RBFOX1: variants seen among roughly 807,000 people sequenced by gnomAD.
RBFOX1 encodes the protein RNA binding protein fox-1 homolog 1.
Under a neutral mutation model 57.7 loss-of-function variants are expected in RBFOX1, and 8 were observed. That is an observed-to-expected ratio of 0.14 (90% CI 0.08 to 0.25). The LOEUF is 0.25. Ranked by LOEUF, RBFOX1 falls within the 10% of genes least tolerant of loss-of-function variation. RBFOX1 has a pLI of 1.00. For missense variants in RBFOX1, 611 were observed against 548.5 expected, an observed-to-expected ratio of 1.11 and a Z score of -1.14; for synonymous variants, 326 against 222.4, an observed-to-expected ratio of 1.47 and a Z score of -4.15.
chr16:6,605,702 A>C (rs1038673176), intron 2 of RBFOX1, among the ~76,000 whole-genome samples: 3 of 152,236 alleles, frequency 2.0e-5, no homozygotes, highest in Non-Finnish European at 4.4e-5. Context: ...GGCAGGGCCT[A>C]GATGCTGTGT....
At chr16:6,729,874 G>C (rs961373519) in intron 3 of RBFOX1, among the ~76,000 whole-genome samples, 1 of 152,146 alleles carries the variant, frequency 6.6e-6, no homozygotes, top group Non-Finnish European at 1.5e-5. Context: ...AAGCTGCTTA[G>C]AAACGAGAAT....
intron 4 of RBFOX1, among the ~76,000 whole-genome samples, chr16:7,297,071 G>C (rs1248855523): frequency 6.6e-6 from 1 of 152,178 alleles, no homozygotes; most frequent in African/African-American, 2.4e-5. Flanking sequence ...TAGCCAGTGA[G>C]ACGACAGGAG....
At chr16:5,338,484 G>T (rs969198103) in intron 1 of RBFOX1, among the ~76,000 whole-genome samples, 2 of 152,208 alleles carry the variant, frequency 1.3e-5, no homozygotes, top group Admixed American at 6.5e-5. Context: ...AACTAGGGCC[G>T]TCTGAAGACC....
intron 4 of RBFOX1, among the ~76,000 whole-genome samples, chr16:7,089,592 G>C (rs1242310680): frequency 1.3e-5 from 2 of 152,126 alleles, no homozygotes; most frequent in Non-Finnish European, 2.9e-5. Flanking sequence ...TCTCTGAGTT[G>C]TTAAGTAGTG....
chr16:6,895,406 T>C (rs2066519390), intron 3 of RBFOX1, among the ~76,000 whole-genome samples: 2 of 141,056 alleles, frequency 1.4e-5, no homozygotes, highest in Admixed American at 7.4e-5. Context: ...AGCCACTAGT[T>C]GTTAGTAATA....
chr16:6,744,171 A>C (rs1470897919), intron 3 of RBFOX1, among the ~76,000 whole-genome samples: 1 of 151,994 alleles, frequency 6.6e-6, no homozygotes, highest in Non-Finnish European at 1.5e-5. Context: ...AAGGTGACTT[A>C]ATCAAGAAGA....
chr16:5,640,603 C>T (rs1037853325), intron 3 of RBFOX1, among the ~76,000 whole-genome samples: 2 of 152,010 alleles, frequency 1.3e-5, no homozygotes, highest in Non-Finnish European at 2.9e-5. Context: ...CATGGATACA[C>T]ACATGCGCAT....
chr16:7,510,228 C>G (rs1000345130), intron 4 of RBFOX1: 5 of 985,738 alleles, frequency 5.1e-6, no homozygotes, highest in Non-Finnish European at 6.0e-6. Context: ...GTAATTGAGG[C>G]GTGCTTGGGG....
At chr16:5,846,647 A>G (rs1242522953) in intron 3 of RBFOX1, among the ~76,000 whole-genome samples, 1 of 152,106 alleles carries the variant, frequency 6.6e-6, no homozygotes, top group Non-Finnish European at 1.5e-5. Flanking sequence ...GCTTCTCTCC[A>G]CCACACTCAG....
chr16:7,634,781 A>G (rs1477212708), intron 11 of RBFOX1, among the ~76,000 whole-genome samples: 1 of 152,170 alleles, frequency 6.6e-6, no homozygotes, highest in Non-Finnish European at 1.5e-5. Context: ...ACAGGTCATC[A>G]TGCATCCTCT....
At chr16:7,324,044 C>G (rs2096579570) in intron 4 of RBFOX1, among the ~76,000 whole-genome samples, 2 of 151,984 alleles carry the variant, frequency 1.3e-5, no homozygotes, top group Non-Finnish European at 1.5e-5. Flanking sequence ...GTTTTGTTTT[C>G]TTCTTTACAG....
chr16:7,613,281 A>C (rs1290732558), intron 10 of RBFOX1, among the ~76,000 whole-genome samples: 1 of 152,208 alleles, frequency 6.6e-6, no homozygotes, highest in East Asian at 1.9e-4. Flanking sequence ...ACAGGAACTA[A>C]AAATGCGCCA....
At chr16:5,799,157 T>C (rs1432754804) in intron 3 of RBFOX1, among the ~76,000 whole-genome samples, 1 of 152,028 alleles carries the variant, frequency 6.6e-6, no homozygotes, top group South Asian at 2.1e-4. Context: ...AGACAAGAGA[T>C]AATGAAATCC....
At chr16:5,927,148 T>C (rs1462258242) in intron 4 of RBFOX1, among the ~76,000 whole-genome samples, 1 of 152,252 alleles carries the variant, frequency 6.6e-6, no homozygotes, top group African/African-American at 2.4e-5. Context: ...AATTGGAAAC[T>C]ATGATTATTT....
chr16:7,707,465 G>C (rs974689525), intron 14 of RBFOX1, among the ~76,000 whole-genome samples: 2 of 152,176 alleles, frequency 1.3e-5, no homozygotes, highest in African/African-American at 4.8e-5. Context: ...CGAGCTGAAG[G>C]TTGATAATAC....
intron 3 of RBFOX1, among the ~76,000 whole-genome samples, chr16:6,943,356 T>G (rs543295078): frequency 6.8e-4 from 103 of 152,324 alleles, no homozygotes; most frequent in African/African-American, 2.4e-3. Flanking sequence ...TTTGAGTTCT[T>G]GTGGATGAGC....
At chr16:6,076,360 A>ACC (rs2095901347) in intron 1 of RBFOX1, among the ~76,000 whole-genome samples, 1 of 151,040 alleles carries the variant, frequency 6.6e-6, no homozygotes, top group African/African-American at 2.4e-5. Flanking sequence ...ACACACACAC[A>ACC]CCCCACCTCT....
chr16:6,644,130 A>G (rs968550992), intron 2 of RBFOX1, among the ~76,000 whole-genome samples: 5 of 152,158 alleles, frequency 3.3e-5, no homozygotes, highest in African/African-American at 1.2e-4. Context: ...CATCTCAATA[A>G]TAATAGTGTA....
chr16:6,273,500 A>G (rs145465159), intron 1 of RBFOX1, among the ~76,000 whole-genome samples: 3,948 of 151,696 alleles, frequency 0.026, 114 homozygotes, highest in Non-Finnish European at 0.034. Context: ...ACATGTCACC[A>G]TGTCCAGCTA....
Sources: allele counts gnomAD v4.1 joint callset (sites outside exome capture counted in the v4.1 genomes callset), GRCh38; gene constraint gnomAD v4.1.1; transcripts MANE v1.5; gene names NCBI Gene and HGNC (gene_info 2026-07-23, HGNC 2026-07-21).